Variants in ALDH1L2 observed in about 807,000 individuals in gnomAD.
The protein encoded by ALDH1L2 is mitochondrial 10-formyltetrahydrofolate dehydrogenase.
In ALDH1L2, 91 loss-of-function variants were observed where a neutral mutation model predicts 111.0. That is an observed-to-expected ratio of 0.82 (90% confidence interval 0.69 to 0.98). The LOEUF is 0.98. Ranked by LOEUF, ALDH1L2 falls within the 50% of genes least tolerant of loss-of-function variation. ALDH1L2 has a pLI of 0.00. For synonymous variants in ALDH1L2, 374 were observed against 392.6 expected, an observed-to-expected ratio of 0.95 and a Z score of 0.56; for missense variants, 995 against 1,126.8, an observed-to-expected ratio of 0.88 and a Z score of 1.67.
At chr12:105,057,268 T>C (rs184959283) in intron 10 of ALDH1L2, among the ~76,000 whole-genome samples, 1 of 152,188 alleles carries the variant, frequency 6.6e-6, no homozygotes, top group African/African-American at 2.4e-5. Flanking sequence ...AGAGCAAATA[T>C]TGGCGAGGAT....
At chr12:105,076,593 T>C (rs898667768) in intron 1 of ALDH1L2, among the ~76,000 whole-genome samples, 6 of 152,212 alleles carry the variant, frequency 3.9e-5, no homozygotes, top group African/African-American at 1.4e-4. Context: ...TGGGCTTTAT[T>C]TTCCATCATC....
intron 9 of ALDH1L2, among the ~76,000 whole-genome samples, chr12:105,059,317 A>G (rs1056338853): frequency 7.6e-6 from 1 of 131,510 alleles, no homozygotes; most frequent in African/African-American, 3.0e-5. Context: ...AATAATAATA[A>G]TACAGTACTG....
chr12:105,075,528 T>G (rs1260557499), intron 1 of ALDH1L2, among the ~76,000 whole-genome samples: 1 of 152,180 alleles, frequency 6.6e-6, no homozygotes, highest in Non-Finnish European at 1.5e-5. Context: ...GAGGTTGCAG[T>G]GAGCTGAGAT....
At chr12:105,068,399 T>A (rs1021842233) in intron 4 of ALDH1L2, among the ~76,000 whole-genome samples, 3 of 152,128 alleles carry the variant, frequency 2.0e-5, no homozygotes, top group African/African-American at 7.2e-5. Flanking sequence ...TTTCTTAAGA[T>A]TCAATCTACT....
At chr12:105,030,939 T>C (rs1874664506) in intron 20 of ALDH1L2, among the ~76,000 whole-genome samples, 1 of 152,240 alleles carries the variant, frequency 6.6e-6, no homozygotes, top group African/African-American at 2.4e-5. Context: ...CACATTGTAT[T>C]TGGTGTTTAG....
intron 13 of ALDH1L2, chr12:105,049,505 T>G (rs1174752363): frequency 6.5e-6 from 1 of 152,884 alleles, no homozygotes; most frequent in East Asian, 1.9e-4. Flanking sequence ...ATAGGAGGTG[T>G]TTAGGTCGTG....
chr12:105,027,570 C>T (rs544066962), intron 21 of ALDH1L2, among the ~76,000 whole-genome samples: 6 of 152,274 alleles, frequency 3.9e-5, no homozygotes, highest in Non-Finnish European at 7.3e-5. Context: ...CATCTCCCCT[C>T]GCCTTCATTT....
rs1875410659 is a variant in ALDH1L2 at position 105,039,809 on chromosome 12, G to A, written c.1952-3C>T. The A allele has an allele frequency of 6.2e-7, 1 of 1,613,458 alleles. No individual in the cohort carries two copies. The highest frequency in any genetic ancestry group is 1.3e-5 in the African/African-American group (1 of 74,898). On this transcript the variant is annotated splice_region_variant and splice_polypyrimidine_tract_variant and intron_variant, in intron 16 of 22. Coordinates refer to ENST00000258494, the MANE Select transcript of ALDH1L2 (RefSeq NM_001034173.4). ...CAGACGTTGTCCTGCTATGCCACCT[G>A]TAGAATTAGGGAATAAAACGGGAAT...
At chr12:105,078,641 G>T (rs561112270) in intron 1 of ALDH1L2, among the ~76,000 whole-genome samples, 1 of 152,168 alleles carries the variant, frequency 6.6e-6, no homozygotes, top group South Asian at 2.1e-4. Context: ...TTCTCTTTGC[G>T]ACCCTTACAC....
chr12:105,067,462 A>T (rs1451831753), intron 4 of ALDH1L2, among the ~76,000 whole-genome samples: 1 of 152,188 alleles, frequency 6.6e-6, no homozygotes, highest in Non-Finnish European at 1.5e-5. Flanking sequence ...ACTCATCATG[A>T]TGATTCTAAA....
At chr12:105,062,385 T>A (rs1375195867) in intron 7 of ALDH1L2, among the ~76,000 whole-genome samples, 2 of 152,218 alleles carry the variant, frequency 1.3e-5, no homozygotes, top group Non-Finnish European at 2.9e-5. Flanking sequence ...AAAATATCTG[T>A]AAGCTACAAA....
chr12:105,073,204 G>A (rs1170856909), intron 2 of ALDH1L2, among the ~76,000 whole-genome samples: 3 of 152,172 alleles, frequency 2.0e-5, no homozygotes, highest in African/African-American at 7.2e-5. Context: ...AGCTACCGCT[G>A]AACTGAGGCT....
In ALDH1L2 at chr12:105,070,476, A is replaced by G. The variant is rs889575943; in HGVS notation, c.428+94T>C. On this transcript the variant is annotated intron_variant, in intron 3 of 22. Coordinates refer to ENST00000258494, the MANE Select transcript of ALDH1L2 (RefSeq NM_001034173.4). ...TCTCAGCTACTTGGGAGGCTGAGGC[A>G]GAAGGATCATTTGAGCCCAGGAGTT... The G allele has an allele frequency of 1.6e-5, 17 of 1,054,546 alleles. No homozygotes were observed. In the African/African-American group the frequency reaches 2.7e-4, roughly 17 times the overall value. 65.3% of individuals were successfully genotyped at this position (1,054,546 alleles called of 1,614,324 possible). A position where few individuals can be genotyped will look rare whatever the true frequency, so the allele number is the denominator to read the frequency against.
At chr12:105,030,514 T>C in intron 20 of ALDH1L2, 85 bp from the exon 21 acceptor site, 1 of 1,184,426 alleles carries the variant, frequency 8.4e-7, no homozygotes, top group Non-Finnish European at 1.2e-6. Flanking sequence ...TACATTATAA[T>C]TTTTTCTTTC....
chr12:105,046,010 A>T (rs972302678), intron 15 of ALDH1L2, among the ~76,000 whole-genome samples: 4 of 151,756 alleles, frequency 2.6e-5, no homozygotes, highest in Admixed American at 2.6e-4. Flanking sequence ...TTTTTTTCTT[A>T]AAAAGCTATT....
intron 10 of ALDH1L2, among the ~76,000 whole-genome samples, chr12:105,054,860 C>A (rs1351995890): frequency 3.9e-5 from 6 of 152,132 alleles, no homozygotes; most frequent in African/African-American, 1.4e-4. Context: ...TTGGGCTTGT[C>A]TTTACTAGAT....
At chr12:105,051,775 T>C (rs1363403745) in intron 12 of ALDH1L2, among the ~76,000 whole-genome samples, 2 of 134,372 alleles carry the variant, frequency 1.5e-5, no homozygotes, top group Non-Finnish European at 3.2e-5. Context: ...TCACTTTGTT[T>C]TGCTTCTTTT....
chr12:105,071,642 A>ATTTTTTTTTTTTT (rs869170659), intron 2 of ALDH1L2, among the ~76,000 whole-genome samples: 2 of 10,878 alleles, frequency 1.8e-4, no homozygotes, highest in Admixed American at 1.8e-3. Flanking sequence ...ATATATATAT[A>ATTTTTTTTTTTTT]TTTTTTTTTT....
chr12:105,044,295 A>T (rs187959886), intron 15 of ALDH1L2, among the ~76,000 whole-genome samples: 2 of 152,232 alleles, frequency 1.3e-5, no homozygotes, highest in Admixed American at 1.3e-4. Context: ...ATTAGCACTC[A>T]TTGGATTTCA....
Sources: gnomAD v4.1 joint callset for allele counts (sites outside exome capture counted in the v4.1 genomes callset) on GRCh38, gnomAD v4.1.1 for gene constraint, MANE v1.5 for transcripts, NCBI Gene and HGNC (gene_info 2026-07-23, HGNC 2026-07-21) for gene names.